SNTG1: variants seen among roughly 807,000 people sequenced by gnomAD.
The protein encoded by SNTG1 is gamma-1-syntrophin.
Under a neutral mutation model 74.7 loss-of-function variants are expected in SNTG1, and 39 were observed. That is an observed-to-expected ratio of 0.52 (90% CI 0.40 to 0.68). The LOEUF (loss-of-function observed/expected upper bound fraction) is 0.68. SNTG1 is among the 30% of genes least tolerant of loss of function. The pLI is 0.00. For missense variants in SNTG1, 685 were observed against 609.5 expected (o/e 1.12, Z -1.30); for synonymous variants, 254 against 217.1 (o/e 1.17, Z -1.49).
At chr8:50,189,338 A>G (rs1302834655) in intron 2 of SNTG1, among the ~76,000 whole-genome samples, 1 of 152,124 alleles carries the variant, frequency 6.6e-6, no homozygotes, top group African/African-American at 2.4e-5. Flanking sequence ...TGAGCATACA[A>G]TGGAATCACC....
At chr8:50,709,372 C>T (rs1056615191) in intron 17 of SNTG1, among the ~76,000 whole-genome samples, 30 of 150,440 alleles carry the variant, frequency 2.0e-4, no homozygotes, top group African/African-American at 7.2e-4. Context: ...AGAAAGAAAA[C>T]ATGTTGTTTT....
intron 1 of SNTG1, among the ~76,000 whole-genome samples, chr8:50,076,388 G>A (rs1029511586): frequency 2.6e-5 from 4 of 152,106 alleles, no homozygotes; most frequent in African/African-American, 9.7e-5. Context: ...GGACAATGTA[G>A]GTTCTATAAA....
At chr8:50,452,897 A>G (rs1435967338) in intron 8 of SNTG1, among the ~76,000 whole-genome samples, 2 of 152,220 alleles carry the variant, frequency 1.3e-5, no homozygotes, top group South Asian at 2.1e-4. Context: ...ACAAGGGCAG[A>G]AAAAGGTATA....
At position 50,599,567 on chromosome 8, in the gene SNTG1, T is replaced by C. The variant is rs149177877; in HGVS notation, c.849+8650T>C. Among the ~76,000 whole-genome samples the C allele has an allele frequency of 9.9e-5, 15 of 152,168 alleles. No homozygotes were observed. The East Asian group carries it at 2.9e-3, about 29-fold the overall frequency. ...TGTTTTATAGTTTTCTTTGAGGTGA[T>C]CTTTCATTTCTTTGTTATTTGTGAC... On this transcript the variant is annotated intron_variant, in intron 13 of 18. Coordinates refer to ENST00000642720, the MANE Select transcript of SNTG1 (RefSeq NM_018967.5).
At chr8:50,090,592 G>A (rs1438763350) in intron 1 of SNTG1, among the ~76,000 whole-genome samples, 1 of 152,142 alleles carries the variant, frequency 6.6e-6, no homozygotes, top group African/African-American at 2.4e-5. Flanking sequence ...GCTTGGCCGG[G>A]TGAAGACAAT....
At chr8:50,248,567 A>T (rs1479932446) in intron 2 of SNTG1, among the ~76,000 whole-genome samples, 1 of 152,180 alleles carries the variant, frequency 6.6e-6, no homozygotes, top group Non-Finnish European at 1.5e-5. Flanking sequence ...TTCAGCCTTA[A>T]TGATAAATTC....
At chr8:50,582,015 C>A (rs2094613313) in intron 12 of SNTG1, among the ~76,000 whole-genome samples, 1 of 152,170 alleles carries the variant, frequency 6.6e-6, no homozygotes, top group African/African-American at 2.4e-5. Context: ...GACATGTAAT[C>A]ATGAGTTCCC....
At chr8:50,145,884 T>A (rs1448383419) in intron 1 of SNTG1, among the ~76,000 whole-genome samples, 1 of 151,612 alleles carries the variant, frequency 6.6e-6, no homozygotes, top group African/African-American at 2.4e-5. Context: ...GGGGAAATAA[T>A]ATAGCATATT....
chr8:49,962,249 A>G (rs1344458586), intron 1 of SNTG1, among the ~76,000 whole-genome samples: 2 of 151,882 alleles, frequency 1.3e-5, no homozygotes, highest in Non-Finnish European at 2.9e-5. Flanking sequence ...TGAGAAGCAG[A>G]TGAGACTAGC....
chr8:50,549,603 A>G (rs2625758), intron 11 of SNTG1, among the ~76,000 whole-genome samples: 57,457 of 151,948 alleles, frequency 0.38, 13,914 homozygotes, highest in African/African-American at 0.69. Flanking sequence ...TCAGGATCAG[A>G]GAGAAAAATT....
At chr8:50,126,716 A>C (rs952434468) in intron 1 of SNTG1, among the ~76,000 whole-genome samples, 2 of 152,142 alleles carry the variant, frequency 1.3e-5, no homozygotes, top group Non-Finnish European at 2.9e-5. Context: ...AAGGTGTGTG[A>C]GTCAGCATTA....
intron 1 of SNTG1, among the ~76,000 whole-genome samples, chr8:50,076,009 A>G (rs1454100985): frequency 6.6e-6 from 1 of 152,242 alleles, no homozygotes; most frequent in African/African-American, 2.4e-5. Flanking sequence ...CACCCCTTCC[A>G]GACACAACAT....
At chr8:50,071,546 T>C (rs965907452) in intron 1 of SNTG1, among the ~76,000 whole-genome samples, 6 of 152,126 alleles carry the variant, frequency 3.9e-5, no homozygotes, top group Admixed American at 3.3e-4. Context: ...TGGCGCAATC[T>C]TGGCTCACTG....
chr8:49,932,652 A>G (rs1375906583), intron 1 of SNTG1, among the ~76,000 whole-genome samples: 2 of 151,970 alleles, frequency 1.3e-5, no homozygotes, highest in Non-Finnish European at 2.9e-5. Flanking sequence ...TACCCTCTTA[A>G]AGTGTATAAT....
intron 3 of SNTG1, among the ~76,000 whole-genome samples, chr8:50,394,641 T>C (rs987065627): frequency 2.0e-5 from 3 of 152,186 alleles, no homozygotes; most frequent in African/African-American, 7.2e-5. Flanking sequence ...ATGATTCTGA[T>C]AGTATTTAAG....
chr8:50,664,425 C>T (rs559735617), intron 15 of SNTG1, among the ~76,000 whole-genome samples: 1 of 152,250 alleles, frequency 6.6e-6, no homozygotes, highest in South Asian at 2.1e-4. Context: ...ATGCCACAAA[C>T]ATTGAAAATC....
intron 13 of SNTG1, among the ~76,000 whole-genome samples, chr8:50,631,682 CTTCT>C (rs1464571681): frequency 1.3e-5 from 2 of 152,166 alleles, no homozygotes; most frequent in African/African-American, 4.8e-5. Context: ...TCCTTTATTA[CTTCT>C]TTAAGTGTGA....
rs117818466 is a variant in SNTG1 at position 50,221,244 on chromosome 8, G to C, written c.-28+48609G>C. ...ATTAAATATAAAAATTTGTATGACA[G>C]AGAGAAATGTATAGCCTTTAATGTA... On this transcript the variant is annotated intron_variant, in intron 2 of 18. Transcript: ENST00000642720. Among the ~76,000 whole-genome samples, 117 of 152,134 alleles carry C rather than the reference G, an allele frequency of 7.7e-4. 2 individuals are homozygous for C. In the East Asian group the frequency reaches 0.017, roughly 22 times the overall value.
chr8:50,714,855 G>A (rs1433941740), intron 17 of SNTG1, among the ~76,000 whole-genome samples: 1 of 151,882 alleles, frequency 6.6e-6, no homozygotes, highest in African/African-American at 2.4e-5. Flanking sequence ...GCAGGTGGGG[G>A]CAATACTTAA....
Sources: gnomAD v4.1 joint callset for allele counts (sites outside exome capture counted in the v4.1 genomes callset) on GRCh38, gnomAD v4.1.1 for gene constraint, MANE v1.5 for transcripts, NCBI Gene and HGNC (gene_info 2026-07-23, HGNC 2026-07-21) for gene names.